HCN1: variants seen among roughly 807,000 people sequenced by gnomAD.
HCN1 encodes the protein potassium/sodium hyperpolarization-activated cyclic nucleotide-gated channel 1.
In HCN1, 13 loss-of-function variants were observed where a neutral mutation model predicts 78.9. The ratio of observed to expected loss-of-function variants is 0.16; its 90% CI spans 0.11 to 0.26. The LOEUF is 0.26. HCN1 is among the 10% of genes least tolerant of loss of function. HCN1 has a pLI of 1.00. For synonymous variants in HCN1, 552 were observed against 455.5 expected, an observed-to-expected ratio of 1.21 and a Z score of -2.70; for missense variants, 810 against 1,154.3, an observed-to-expected ratio of 0.70 and a Z score of 4.32.
chr5:45,335,309 G>A (rs1348185570), intron 5 of HCN1, among the ~76,000 whole-genome samples: 1 of 151,978 alleles, frequency 6.6e-6, no homozygotes, highest in Non-Finnish European at 1.5e-5. Context: ...TAAACAGAAG[G>A]TTCTACCTAG....
intron 6 of HCN1, among the ~76,000 whole-genome samples, chr5:45,268,338 C>T (rs929758406): frequency 2.0e-5 from 3 of 152,102 alleles, no homozygotes; most frequent in African/African-American, 7.2e-5. Context: ...ATTTGAACTA[C>T]TGTAGGCTTT....
At chr5:45,578,383 C>T (rs1743990379) in intron 2 of HCN1, among the ~76,000 whole-genome samples, 1 of 151,922 alleles carries the variant, frequency 6.6e-6, no homozygotes, top group Admixed American at 6.6e-5. Context: ...GTGGAGCCTT[C>T]TGACTCAACA....
At chr5:45,418,275 A>T (rs1740157972) in intron 3 of HCN1, among the ~76,000 whole-genome samples, 1 of 151,686 alleles carries the variant, frequency 6.6e-6, no homozygotes, top group African/African-American at 2.4e-5. Flanking sequence ...ATATTCATTA[A>T]ACTATATTTA....
At chr5:45,695,568 C>CCA in intron 1 of HCN1, 101 bp downstream of exon 1, 1 of 1,215,230 alleles carries the variant, frequency 8.2e-7, no homozygotes, top group Non-Finnish European at 1.2e-6. Flanking sequence ...CCACCCCCCG[C>CCA]CCGCCCTCCT....
chr5:45,347,944 G>A (rs1010979951), intron 5 of HCN1, among the ~76,000 whole-genome samples: 5 of 152,176 alleles, frequency 3.3e-5, no homozygotes, highest in Non-Finnish European at 7.3e-5. Context: ...ACACTCTGCA[G>A]GATATTATAC....
chr5:45,283,427 A>T (rs757958689), intron 6 of HCN1, among the ~76,000 whole-genome samples: 17 of 152,200 alleles, frequency 1.1e-4, no homozygotes, highest in Admixed American at 1.1e-3. Flanking sequence ...CCTATAAGGA[A>T]CTTAAACAAA....
intron 5 of HCN1, among the ~76,000 whole-genome samples, chr5:45,323,538 CAT>C (rs569909756): frequency 1.5e-3 from 224 of 151,698 alleles, no homozygotes; most frequent in African/African-American, 4.0e-3. Flanking sequence ...ACAAGACAAA[CAT>C]AGAGTAAAAT....
chr5:45,548,484 G>A (rs549113456), intron 2 of HCN1, among the ~76,000 whole-genome samples: 4 of 151,890 alleles, frequency 2.6e-5, no homozygotes, highest in African/African-American at 2.4e-5. Flanking sequence ...AGGTACTCAC[G>A]GGACATATCT....
In HCN1 at chr5:45,434,932, T is replaced by A. The variant is rs143049377; in HGVS notation, c.1011+26914A>T. On this transcript the variant is annotated intron_variant, in intron 3 of 7. Transcript: ENST00000303230. Reference sequence around the variant, plus strand: ...AAAGAGCCAATAGATATTTAAAGAATATTGTAGTCATAGATCATCTTTATT... The same window carrying A: ...AAAGAGCCAATAGATATTTAAAGAAAATTGTAGTCATAGATCATCTTTATT... Among the ~76,000 whole-genome samples, 947 of 152,194 alleles carry A rather than the reference T, an allele frequency of 6.2e-3. 3 individuals carry two copies. Among genetic ancestry groups the A allele is most frequent in the Non-Finnish European group, 7.2e-3 (490 of 67,966 alleles).
At chr5:45,680,580 AAAGTTGCATT>A in intron 1 of HCN1, among the ~76,000 whole-genome samples, 1 of 152,268 alleles carries the variant, frequency 6.6e-6, no homozygotes, top group South Asian at 2.1e-4. Context: ...TTCCCTGCAT[AAAGTTGCATT>A]AAGTTTTTTT....
At chr5:45,316,587 T>G (rs1277095336) in intron 5 of HCN1, among the ~76,000 whole-genome samples, 2 of 152,068 alleles carry the variant, frequency 1.3e-5, no homozygotes, top group Admixed American at 1.3e-4. Context: ...GAGAAAGAAA[T>G]AAAGGGTATT....
intron 2 of HCN1, among the ~76,000 whole-genome samples, chr5:45,498,684 T>G (rs1742112620): frequency 6.6e-6 from 1 of 152,308 alleles, no homozygotes; most frequent in East Asian, 1.9e-4. Flanking sequence ...TTTCCAGTTT[T>G]TCTGCTGTTT....
chr5:45,685,783 T>A (rs1008135810), intron 1 of HCN1, among the ~76,000 whole-genome samples: 2 of 151,746 alleles, frequency 1.3e-5, no homozygotes, highest in African/African-American at 4.8e-5. Flanking sequence ...ATATATAAAA[T>A]ATGGCATTGC....
In HCN1 at chr5:45,427,745, T is replaced by C. The variant is rs530783695; in HGVS notation, c.1012-31035A>G. Reference sequence around the variant, plus strand: ...TATTTGTTCTTGTGCTTGTTGACTATAGTTATTGATAACATTTTTACATTA... The same window carrying C: ...TATTTGTTCTTGTGCTTGTTGACTACAGTTATTGATAACATTTTTACATTA... On this transcript the variant is annotated intron_variant, in intron 3 of 7. Transcript: ENST00000303230. 5.3e-5 allele frequency among the ~76,000 whole-genome samples: 8 copies of C among 152,252 alleles called. No homozygotes were observed. The South Asian group carries it at 8.3e-4, about 16-fold the overall frequency.
At chr5:45,636,367 T>A (rs990585988) in intron 2 of HCN1, among the ~76,000 whole-genome samples, 1 of 152,174 alleles carries the variant, frequency 6.6e-6, no homozygotes, top group Admixed American at 6.6e-5. Context: ...TTCACTCTAA[T>A]AGCACACAAA....
At chr5:45,290,035 G>A (rs1312071021) in intron 6 of HCN1, among the ~76,000 whole-genome samples, 2 of 151,938 alleles carry the variant, frequency 1.3e-5, no homozygotes, top group African/African-American at 2.4e-5. Context: ...GGAGGGACCT[G>A]GTGGGAGAAA....
At chr5:45,455,878 C>A (rs1161242811) in intron 3 of HCN1, among the ~76,000 whole-genome samples, 1 of 150,808 alleles carries the variant, frequency 6.6e-6, no homozygotes, top group African/African-American at 2.4e-5. Flanking sequence ...ATAGCACAGA[C>A]AGGTACCCAT....
chr5:45,371,650 G>A (rs1348947682), intron 4 of HCN1, among the ~76,000 whole-genome samples: 2 of 150,124 alleles, frequency 1.3e-5, no homozygotes, highest in South Asian at 2.1e-4. Flanking sequence ...CCAGCTACTC[G>A]TGAGGCTGAG....
chr5:45,377,775 T>G (rs1184088491), intron 4 of HCN1, among the ~76,000 whole-genome samples: 1 of 151,988 alleles, frequency 6.6e-6, no homozygotes, highest in South Asian at 2.1e-4. Context: ...TACATAAGAC[T>G]ATAACAAATT....
Sources: allele counts gnomAD v4.1 joint callset (sites outside exome capture counted in the v4.1 genomes callset), GRCh38; gene constraint gnomAD v4.1.1; transcripts MANE v1.5; gene names NCBI Gene and HGNC (gene_info 2026-07-23, HGNC 2026-07-21).